Variants in PHF21A observed in about 807,000 individuals in gnomAD.
The protein encoded by PHF21A is BHC80a.
In PHF21A, 11 loss-of-function variants were observed where a neutral mutation model predicts 82.5. That is an observed-to-expected ratio of 0.13 (90% CI 0.08 to 0.22). The LOEUF (loss-of-function observed/expected upper bound fraction) is 0.22, where lower values mean the gene tolerates loss of function less well. Among genes scored for constraint, PHF21A ranks in the 10% least tolerant of loss-of-function variants. The pLI is 1.00. For missense variants in PHF21A, 579 were observed against 837.8 expected (o/e 0.69, Z 3.81); for synonymous variants, 297 against 302.8 (o/e 0.98, Z 0.20).
At chr11:45,939,388 T>C (rs1431337098) in intron 15 of PHF21A, among the ~76,000 whole-genome samples, 1 of 152,168 alleles carries the variant, frequency 6.6e-6, no homozygotes, top group Non-Finnish European at 1.5e-5. Context: ...TTTTCCTGAA[T>C]TTGCTTGCTC....
intron 1 of PHF21A, among the ~76,000 whole-genome samples, chr11:46,094,028 C>T (rs576048171): frequency 7.9e-5 from 12 of 152,044 alleles, no homozygotes; most frequent in Non-Finnish European, 7.3e-5. Flanking sequence ...ACCACAGAAT[C>T]GGAGGTGATA....
chr11:45,940,126 A>G (rs547344083), intron 15 of PHF21A, among the ~76,000 whole-genome samples: 1 of 152,318 alleles, frequency 6.6e-6, no homozygotes, highest in East Asian at 1.9e-4. Context: ...CCACTAGGGT[A>G]TCTGGCAGCC....
intron 7 of PHF21A, among the ~76,000 whole-genome samples, chr11:45,976,568 G>A (rs566304005): frequency 2.0e-4 from 30 of 152,188 alleles, no homozygotes; most frequent in Non-Finnish European, 3.4e-4. Flanking sequence ...AGTGCCAAGC[G>A]CAGTGGCTCA....
intron 6 of PHF21A, among the ~76,000 whole-genome samples, chr11:46,047,266 A>G (rs2096271935): frequency 6.6e-6 from 1 of 151,902 alleles, no homozygotes. Flanking sequence ...AGTGCTTTGA[A>G]CTCCTTAGTG....
intron 1 of PHF21A, among the ~76,000 whole-genome samples, chr11:46,106,578 G>T (rs1201124530): frequency 6.6e-6 from 1 of 152,146 alleles, no homozygotes; most frequent in African/African-American, 2.4e-5. Context: ...TCAATAATTT[G>T]CACATATCCA....
At chr11:45,991,597 C>T (rs1035370993) in intron 6 of PHF21A, among the ~76,000 whole-genome samples, 15 of 152,116 alleles carry the variant, frequency 9.9e-5, no homozygotes, top group South Asian at 2.1e-4. Context: ...TTTTCTCCTC[C>T]GCTCTGCTTT....
chr11:46,076,732 C>G, intron 6 of PHF21A, 22 bp downstream of exon 6: 4 of 1,580,592 alleles, frequency 2.5e-6, no homozygotes, highest in Non-Finnish European at 3.5e-6. Context: ...TAAAAATATG[C>G]CCCCCTCCCC....
chr11:45,964,564 T>C (rs976979174), intron 10 of PHF21A, among the ~76,000 whole-genome samples: 3 of 152,222 alleles, frequency 2.0e-5, no homozygotes, highest in African/African-American at 7.2e-5. Context: ...GATGACTTTT[T>C]AAAGCAACTT....
chr11:46,066,161 T>C (rs2096591674), intron 6 of PHF21A, among the ~76,000 whole-genome samples: 1 of 152,186 alleles, frequency 6.6e-6, no homozygotes, highest in Non-Finnish European at 1.5e-5. Context: ...CAGGCAACAT[T>C]AGTCTATGCT....
At chr11:45,993,973 G>A (rs774780204) in intron 6 of PHF21A, among the ~76,000 whole-genome samples, 6 of 152,110 alleles carry the variant, frequency 3.9e-5, no homozygotes, top group Non-Finnish European at 7.4e-5. Context: ...TAGATAACTT[G>A]CTTCAAAGTG....
chr11:46,026,976 A>G (rs1437937901), intron 6 of PHF21A: 4 of 152,330 alleles, frequency 2.6e-5, no homozygotes, highest in African/African-American at 7.2e-5. Context: ...AGCATTCTCC[A>G]TTTTTATGTA....
intron 5 of PHF21A, among the ~76,000 whole-genome samples, chr11:46,077,977 T>A (rs1350576870): frequency 6.6e-6 from 1 of 152,148 alleles, no homozygotes; most frequent in Non-Finnish European, 1.5e-5. Context: ...AGTGACAAGA[T>A]CTTGGCTCAC....
chr11:45,999,227 C>T (rs933427915), intron 6 of PHF21A, among the ~76,000 whole-genome samples: 7 of 152,084 alleles, frequency 4.6e-5, no homozygotes, highest in African/African-American at 1.7e-4. Context: ...GAAAACAGGA[C>T]CACAAACAGA....
At chr11:46,101,272 GA>G (rs1170770481) in intron 1 of PHF21A, among the ~76,000 whole-genome samples, 1 of 152,128 alleles carries the variant, frequency 6.6e-6, no homozygotes, top group Non-Finnish European at 1.5e-5. Flanking sequence ...AAAGACAAAT[GA>G]AAATATTATC....
chr11:46,034,332 T>C (rs2095940835), intron 6 of PHF21A, among the ~76,000 whole-genome samples: 1 of 151,330 alleles, frequency 6.6e-6, no homozygotes, highest in African/African-American at 2.4e-5. Context: ...GTTAAAAATA[T>C]CTGTCTTGAA....
At chr11:46,110,555 T>A (rs1166149857) in intron 1 of PHF21A, among the ~76,000 whole-genome samples, 1 of 44,904 alleles carries the variant, frequency 2.2e-5, no homozygotes, top group Non-Finnish European at 5.0e-5. Context: ...ACAAACCTGA[T>A]ATTTTCTATA....
chr11:45,937,912 CT>C (rs1318128293), intron 16 of PHF21A, among the ~76,000 whole-genome samples: 1 of 152,196 alleles, frequency 6.6e-6, no homozygotes, highest in Non-Finnish European at 1.5e-5. Flanking sequence ...AGGGTCTTGA[CT>C]TTTAAAGAGA....
At chr11:46,098,737 C>G (rs913989668) in intron 1 of PHF21A, among the ~76,000 whole-genome samples, 2 of 152,150 alleles carry the variant, frequency 1.3e-5, no homozygotes, top group African/African-American at 4.8e-5. Flanking sequence ...AAAAACAACT[C>G]AGGTATCTAT....
chr11:45,973,815 T>C (rs1023726067), intron 7 of PHF21A, among the ~76,000 whole-genome samples: 1 of 152,186 alleles, frequency 6.6e-6, no homozygotes, highest in African/African-American at 2.4e-5. Context: ...AGTGCTATCG[T>C]GGATTGTGGG....
Sources: allele counts gnomAD v4.1 joint callset (sites outside exome capture counted in the v4.1 genomes callset), GRCh38; gene constraint gnomAD v4.1.1; transcripts MANE v1.5; gene names NCBI Gene and HGNC (gene_info 2026-07-23, HGNC 2026-07-21).